The following IQSEC2 variants were observed in gnomAD, a reference collection of about 807,000 sequenced individuals.
The protein encoded by IQSEC2 is IQ motif and Sec7 domain ArfGEF 2, also known as IQ motif and SEC7 domain-containing protein 2.
Under a neutral mutation model 74.6 loss-of-function variants are expected in IQSEC2, and 6 were observed. The ratio of observed to expected loss-of-function variants is 0.08; its 90% CI spans 0.04 to 0.16. IQSEC2 has a LOEUF of 0.16. Ranked by LOEUF, IQSEC2 falls within the 10% of genes least tolerant of loss-of-function variation. The probability of loss-of-function intolerance (pLI) is 1.00; values close to 1 mark genes in which losing one functional copy is unlikely to be tolerated. For synonymous variants in IQSEC2, 494 were observed against 544.5 expected (o/e 0.91, Z 1.29); for missense variants, 734 against 1,306.2 (o/e 0.56, Z 6.75).
chrX:53,320,820 G>C lies in IQSEC2; in HGVS notation c.304C>G (p.Leu102Val). Residue 102 changes from leucine (L) to valine (V), a missense_variant, in exon 1 of 15, where the codon CTG becomes GTG. Leu to Val is a conservative substitution (Grantham distance 32). Transcript: ENST00000642864. ...GCCTGGTGGAACTGGCTCTCCCGCA[G>C]CTCGCGGTGGTGGAACTGGGTCTCG... ...LRETQFHHRE[L>V]RESQFHQAAR... 8.6e-7 allele frequency: 1 copy of C among 1,164,244 alleles called. No homozygotes were observed. The highest frequency in any genetic ancestry group is 1.1e-6 in the Non-Finnish European group (1 of 870,826).
intron 1 of IQSEC2, among the ~76,000 whole-genome samples, chrX:53,292,621 C>T (rs1244042934): frequency 8.9e-6 from 1 of 111,790 alleles, no homozygotes; most frequent in Non-Finnish European, 1.9e-5. Flanking sequence ...ATTGTGAGGC[C>T]TCTTTAGAGG....
intron 2 of IQSEC2, among the ~76,000 whole-genome samples, chrX:53,281,228 A>G (rs918131090): frequency 1.2e-4 from 14 of 112,723 alleles, no homozygotes; most frequent in African/African-American, 4.5e-4. Context: ...ACACAAGGCT[A>G]GTAGAGCAGG....
At chrX:53,288,402 T>G (rs1433745450) in intron 2 of IQSEC2, among the ~76,000 whole-genome samples, 2 of 36,246 alleles carry the variant, frequency 5.5e-5, no homozygotes, top group African/African-American at 1.1e-4. Context: ...CCCTCCCTCC[T>G]TCCCTAGCAA....
At chrX:53,246,553 C>T (rs1345498816) in intron 8 of IQSEC2, among the ~76,000 whole-genome samples, 2 of 111,107 alleles carry the variant, frequency 1.8e-5, no homozygotes, top group East Asian at 2.8e-4. Flanking sequence ...GTTGTTTGGT[C>T]GAGTGATAAA....
intron 2 of IQSEC2, among the ~76,000 whole-genome samples, chrX:53,288,098 C>T (rs140498714): frequency 0.013 from 1,449 of 111,250 alleles, 17 homozygotes; most frequent in Non-Finnish European, 0.019. Context: ...GGTGGGCAAC[C>T]GGGCTGAGCC....
Position 53,306,975 on chromosome X carries a change from A to G in IQSEC2, c.707+13442T>C, listed in dbSNP as rs182717085. Among the ~76,000 whole-genome samples the G allele has an allele frequency of 2.1e-3, 238 of 110,916 alleles. 1 individual carries two copies. Among genetic ancestry groups the G allele is most frequent in the Non-Finnish European group, 4.0e-3 (211 of 52,887 alleles). On this transcript the variant is annotated intron_variant, in intron 1 of 14. Transcript: ENST00000642864. ...ACACAGGGATAAATGGAAGGTAAGT[A>G]TATGACATCCTTCCTTCCCTGCCAC...
At chrX:53,245,437 A>AT (rs1556861860) in intron 8 of IQSEC2, among the ~76,000 whole-genome samples, 1 of 108,082 alleles carries the variant, frequency 9.3e-6, no homozygotes, top group Non-Finnish European at 1.9e-5. Flanking sequence ...CTAAAAATAA[A>AT]AAAAAAAAAA....
downstream of IQSEC2, chrX:53,226,593 C>G (rs1175993219): frequency 2.7e-5 from 3 of 112,358 alleles, no homozygotes; most frequent in Non-Finnish European, 3.8e-5. Context: ...CCACTGTAAG[C>G]TCGAGGCAGA....
At chrX:53,314,668 C>T (rs1222982066) in intron 1 of IQSEC2, among the ~76,000 whole-genome samples, 1 of 111,805 alleles carries the variant, frequency 8.9e-6, no homozygotes, top group Non-Finnish European at 1.9e-5. Context: ...GGAGCATAGT[C>T]TGTACAAAGA....
chrX:53,319,740 C>G (rs1400694064), intron 1 of IQSEC2, among the ~76,000 whole-genome samples: 1 of 111,672 alleles, frequency 9.0e-6, no homozygotes, highest in Admixed American at 9.5e-5. Flanking sequence ...CTAGACTTCC[C>G]TTCCCGGTAG....
In IQSEC2 at chrX:53,250,932, T is replaced by A; in HGVS notation, c.1644A>T (p.Pro548=). The part of the protein sequence containing the change: ...PPQGRPEFWA[P]APLPPVPPPV... ...GTGGAGGAACTGGCGGGAGAGGGGC[T>A]GGCGCCCAGAACTCGGGCCGGCCCT... is the stretch of plus-strand genomic sequence containing the variant. Residue 548 remains proline, a synonymous_variant, in exon 5 of 15, where the codon CCA becomes CCT. Transcript: ENST00000642864. 6 of 1,210,037 alleles carry A rather than the reference T, an allele frequency of 5.0e-6. No homozygotes were observed. The highest frequency in any genetic ancestry group is 3.0e-5 in the East Asian group (1 of 33,803).
chrX:53,289,178 C>CAG, intron 2 of IQSEC2, among the ~76,000 whole-genome samples: 1 of 112,214 alleles, frequency 8.9e-6, no homozygotes, highest in Non-Finnish European at 1.9e-5. Flanking sequence ...TCCACACACA[C>CAG]ATGAAGTTTA....
At chrX:53,296,362 C>T (rs2075152741) in intron 1 of IQSEC2, among the ~76,000 whole-genome samples, 2 of 110,938 alleles carry the variant, frequency 1.8e-5, no homozygotes, top group Middle Eastern at 9.3e-3. Context: ...AAGAATGAAA[C>T]TTGAAGGGCA....
intron 1 of IQSEC2, among the ~76,000 whole-genome samples, chrX:53,298,393 T>C (rs935945639): frequency 2.7e-4 from 30 of 111,923 alleles, no homozygotes; most frequent in African/African-American, 9.1e-4. Context: ...GGTTGGAAAT[T>C]CTTTTCCCTC....
At chrX:53,251,231 G>A (rs2074386873) in intron 4 of IQSEC2, 57 bp from the exon 5 acceptor site, 1 of 1,112,480 alleles carries the variant, frequency 9.0e-7, no homozygotes, top group African/African-American at 1.8e-5. Flanking sequence ...AAAGATAAAG[G>A]GAAGAATGGT....
intron 2 of IQSEC2, among the ~76,000 whole-genome samples, chrX:53,285,694 T>C (rs1345998669): frequency 8.9e-6 from 1 of 112,667 alleles, no homozygotes; most frequent in Non-Finnish European, 1.9e-5. Context: ...ATATGGAAGA[T>C]GGCTTTAATA....
At chrX:53,286,952 AAAAAAG>A (rs1569325506) in intron 2 of IQSEC2, among the ~76,000 whole-genome samples, 16 of 96,385 alleles carry the variant, frequency 1.7e-4, no homozygotes, top group African/African-American at 7.8e-4. Context: ...AAAAAAAAAA[AAAAAAG>A]AAAAAGAAAA....
chrX:53,291,956 C>T lies in IQSEC2; in HGVS notation c.708-32G>A, dbSNP rs782704892. 30 of 1,151,599 alleles carry T rather than the reference C, an allele frequency of 2.6e-5. No individual in the cohort carries two copies. The South Asian group carries it at 2.7e-4, about 10-fold the overall frequency. 94.9% of individuals were successfully genotyped at this position (1,151,599 alleles called of 1,213,427 possible). A position where few individuals can be genotyped will look rare whatever the true frequency, so the allele number is the denominator to read the frequency against. ...GGGAAACAGAGAAAAAAAACCAAAA[C>T]GGTCAGTATACGCTCTCTTCTCCCT... On this transcript the variant is annotated intron_variant, in intron 1 of 14. Coordinates refer to ENST00000642864, the MANE Select transcript of IQSEC2 (RefSeq NM_001111125.3).
intron 10 of IQSEC2, chrX:53,239,518 TACC>T: frequency 2.7e-6 from 1 of 375,324 alleles, no homozygotes; most frequent in East Asian, 4.7e-5. Context: ...CACAGACATT[TACC>T]ACATTTCCAG....
Sources: allele counts gnomAD v4.1 joint callset (sites outside exome capture counted in the v4.1 genomes callset), GRCh38; gene constraint gnomAD v4.1.1; transcripts MANE v1.5; gene names NCBI Gene and HGNC (gene_info 2026-07-23, HGNC 2026-07-21).